SOX6: variants seen among roughly 807,000 people sequenced by gnomAD.
The protein encoded by SOX6 is transcription factor SOX-6.
A neutral mutation model predicts 97.8 loss-of-function variants in SOX6; 11 were observed. The ratio of observed to expected loss-of-function variants is 0.11; its 90% CI spans 0.07 to 0.19. The LOEUF is 0.19. Ranked by LOEUF, SOX6 falls within the 10% of genes least tolerant of loss-of-function variation. The probability of loss-of-function intolerance (pLI) is 1.00; values close to 1 mark genes in which losing one functional copy is unlikely to be tolerated. For missense variants in SOX6, 810 were observed against 1,039.5 expected (o/e 0.78, Z 3.04); for synonymous variants, 360 against 371.4 (o/e 0.97, Z 0.35).
chr11:16,299,304 G>T (rs2134270986), intron 3 of SOX6, among the ~76,000 whole-genome samples: 1 of 152,222 alleles, frequency 6.6e-6, no homozygotes, highest in African/African-American at 2.4e-5. Context: ...TGATAACAAT[G>T]TATTTTATCC....
chr11:16,480,283 C>G (rs138826279), upstream of SOX6, among the ~76,000 whole-genome samples: 2 of 151,740 alleles, frequency 1.3e-5, no homozygotes, highest in Non-Finnish European at 2.9e-5. Context: ...TAATGTATGC[C>G]AAAATGAGGA....
chr11:16,209,616 G>A (rs766729560), intron 4 of SOX6, among the ~76,000 whole-genome samples: 16 of 152,212 alleles, frequency 1.1e-4, no homozygotes, highest in South Asian at 2.1e-4. Context: ...TTAGCTGGGC[G>A]TGGTGGTGAG....
At position 16,607,494 on chromosome 11, in the gene SOX6, G is replaced by A. The variant is rs1156799631; in HGVS notation, n.609+4587C>T. 1 of 152,468 alleles carries A rather than the reference G, an allele frequency of 6.6e-6. No homozygotes were observed. The highest frequency in any genetic ancestry group is 6.5e-5 in the Admixed American group (1 of 15,290). The allele number at this position is 152,468 out of a possible 1,614,324, so 9.4% of individuals were successfully genotyped here. ...GCTAGGTCAATTGTCACAGTCCGGG[G>A]AGCAAGGGAACAGAACCCCCCAGCG... On this transcript the variant is annotated intron_variant and non_coding_transcript_variant, in intron 4 of 5. Transcript: ENST00000524520. The surrounding 1 kb of genome is among the most constrained non-coding windows in gnomAD (Gnocchi z 6.5).
At chr11:16,009,079 T>TC in intron 13 of SOX6, among the ~76,000 whole-genome samples, 1 of 152,126 alleles carries the variant, frequency 6.6e-6, no homozygotes, top group East Asian at 1.9e-4. Flanking sequence ...TAGTTAATGT[T>TC]CCCTCTGATT....
chr11:16,521,612 A>C, intron 4 of SOX6, among the ~76,000 whole-genome samples: 1 of 152,242 alleles, frequency 6.6e-6, no homozygotes, highest in East Asian at 1.9e-4. Context: ...CTCACCAGCA[A>C]CGGAACAAAG....
intron 4 of SOX6, among the ~76,000 whole-genome samples, chr11:16,587,931 C>A (rs1316140456): frequency 6.6e-6 from 1 of 152,190 alleles, no homozygotes; most frequent in Non-Finnish European, 1.5e-5. Flanking sequence ...AGCCCAACCT[C>A]CTTCACAGGC....
intron 4 of SOX6, among the ~76,000 whole-genome samples, chr11:16,543,487 A>C (rs1470471899): frequency 6.6e-6 from 1 of 152,174 alleles, no homozygotes; most frequent in Non-Finnish European, 1.5e-5. Context: ...TGTGTATCAA[A>C]GAACACTATC....
At chr11:16,220,344 C>T (rs751457453) in intron 4 of SOX6, among the ~76,000 whole-genome samples, 2 of 151,970 alleles carry the variant, frequency 1.3e-5, no homozygotes, top group Non-Finnish European at 1.5e-5. Flanking sequence ...TTTAATAATA[C>T]TGCAAGGGGT....
chr11:16,227,662 T>C (rs1852724777), intron 4 of SOX6, among the ~76,000 whole-genome samples: 1 of 152,168 alleles, frequency 6.6e-6, no homozygotes, highest in African/African-American at 2.4e-5. Context: ...ATCTTATCAA[T>C]GTCACAGCTA....
chr11:16,691,760 G>A (rs1408544556), intron 3 of SOX6, among the ~76,000 whole-genome samples: 2 of 152,092 alleles, frequency 1.3e-5, no homozygotes, highest in Admixed American at 6.6e-5. Flanking sequence ...TTGCACCACT[G>A]TACTCCAGCC....
chr11:16,190,727 T>G (rs1187327337), intron 4 of SOX6, among the ~76,000 whole-genome samples: 1 of 152,114 alleles, frequency 6.6e-6, no homozygotes, highest in African/African-American at 2.4e-5. Flanking sequence ...GGGGCTCAAA[T>G]TAGGGAAAAA....
chr11:16,721,013 C>T (rs2134053559), intron 2 of SOX6, among the ~76,000 whole-genome samples: 1 of 152,258 alleles, frequency 6.6e-6, no homozygotes, highest in African/African-American at 2.4e-5. Flanking sequence ...TAGACTGTAG[C>T]ACCAATTGGC....
intron 9 of SOX6, among the ~76,000 whole-genome samples, chr11:16,072,850 A>G (rs1416664272): frequency 6.6e-6 from 1 of 152,192 alleles, no homozygotes; most frequent in Non-Finnish European, 1.5e-5. Context: ...ACTAAGCTTT[A>G]TTTTAAGTAA....
intron 1 of SOX6, among the ~76,000 whole-genome samples, chr11:16,424,187 G>A (rs1859077368): frequency 6.6e-6 from 1 of 152,162 alleles, no homozygotes; most frequent in Non-Finnish European, 1.5e-5. Flanking sequence ...CAAGAGGTTT[G>A]ACGGTAAAAG....
intron 3 of SOX6, among the ~76,000 whole-genome samples, chr11:16,684,636 C>T (rs1847954527): frequency 6.6e-6 from 1 of 151,958 alleles, no homozygotes; most frequent in South Asian, 2.1e-4. Flanking sequence ...ATGTAAATGA[C>T]AAGTTGATGG....
intron 3 of SOX6, among the ~76,000 whole-genome samples, chr11:16,683,307 A>T (rs1437794021): frequency 6.6e-6 from 1 of 152,236 alleles, no homozygotes; most frequent in Non-Finnish European, 1.5e-5. Context: ...ACAATGCTGG[A>T]GGCATCATGC....
intron 2 of SOX6, among the ~76,000 whole-genome samples, chr11:16,721,645 C>T (rs1225818748): frequency 2.9e-5 from 4 of 136,748 alleles, no homozygotes; most frequent in Non-Finnish European, 1.6e-5. Context: ...CTCTCTCTCT[C>T]TCTCCTGCCA....
intron 4 of SOX6, among the ~76,000 whole-genome samples, chr11:16,489,606 T>A (rs1860480509): frequency 6.6e-6 from 1 of 152,136 alleles, no homozygotes; most frequent in Non-Finnish European, 1.5e-5. Context: ...CCTTGATAAA[T>A]AACTTCAATT....
At chr11:16,651,574 C>G (rs1177792516) in intron 3 of SOX6, among the ~76,000 whole-genome samples, 1 of 152,102 alleles carries the variant, frequency 6.6e-6, no homozygotes, top group African/African-American at 2.4e-5. Context: ...AATCCAGCAT[C>G]CCTTTATGAT....
Sources: gnomAD v4.1 joint callset for allele counts (sites outside exome capture counted in the v4.1 genomes callset) on GRCh38, gnomAD v4.1.1 for gene constraint, Gnocchi (gnomAD v3.1) non-coding constraint, MANE v1.5 for transcripts, NCBI Gene and HGNC (gene_info 2026-07-23, HGNC 2026-07-21) for gene names.